TBCD: variants seen among roughly 807,000 people sequenced by gnomAD.
TBCD encodes tubulin folding cofactor D.
Under a neutral mutation model 169.3 loss-of-function variants are expected in TBCD, and 105 were observed. The ratio of observed to expected loss-of-function variants is 0.62; its 90% confidence interval spans 0.53 to 0.73. The LOEUF (loss-of-function observed/expected upper bound fraction) is 0.73, where lower values mean the gene tolerates loss of function less well. TBCD is among the 30% of genes least tolerant of loss of function. The pLI is 0.00. For synonymous variants in TBCD, 700 were observed against 643.9 expected (o/e 1.09, Z -1.32); for missense variants, 1,444 against 1,600.1 (o/e 0.90, Z 1.66).
chr17:82,778,153 T>G (rs2048717468), intron 6 of TBCD, among the ~76,000 whole-genome samples: 1 of 152,246 alleles, frequency 6.6e-6, no homozygotes, highest in Non-Finnish European at 1.5e-5. Context: ...CAACTAATGA[T>G]TAATGATATA....
chr17:82,781,798 T>G, intron 7 of TBCD, 77 bp downstream of exon 7: 7 of 1,568,848 alleles, frequency 4.5e-6, no homozygotes, highest in Non-Finnish European at 6.1e-6. Context: ...TGATGTTACC[T>G]GTGATTCCAT....
At chr17:82,812,660 G>T (rs914881290) in intron 12 of TBCD, among the ~76,000 whole-genome samples, 11 of 152,106 alleles carry the variant, frequency 7.2e-5, no homozygotes, top group Non-Finnish European at 1.6e-4. Context: ...TTCCCCTGCC[G>T]CAGCCCCCAA....
At chr17:82,862,850 C>T (rs937056762) in intron 13 of TBCD, among the ~76,000 whole-genome samples, 11 of 152,194 alleles carry the variant, frequency 7.2e-5, no homozygotes, top group African/African-American at 9.7e-5. Context: ...GGCCTCATTC[C>T]GTTAAGTAGG....
intron 30 of TBCD, among the ~76,000 whole-genome samples, chr17:82,928,286 G>A (rs184055260): frequency 6.6e-6 from 1 of 152,312 alleles, no homozygotes; most frequent in East Asian, 1.9e-4. Context: ...CCAGCTTCCC[G>A]GGGTAGGGCC....
At chr17:82,755,458 AT>A (rs1263026389) in intron 1 of TBCD, among the ~76,000 whole-genome samples, 1 of 152,190 alleles carries the variant, frequency 6.6e-6, no homozygotes, top group East Asian at 1.9e-4. Flanking sequence ...TTAGGGAAAA[AT>A]ATTTTGATTT....
At chr17:82,892,749 G>A (rs2059228375) in intron 16 of TBCD, among the ~76,000 whole-genome samples, 1 of 152,196 alleles carries the variant, frequency 6.6e-6, no homozygotes, top group South Asian at 2.1e-4. Context: ...GTTTATAGCT[G>A]TAAGGCTTTC....
At chr17:82,940,845 G>A (rs1325164749) in intron 37 of TBCD, among the ~76,000 whole-genome samples, 1 of 152,154 alleles carries the variant, frequency 6.6e-6, no homozygotes, top group Non-Finnish European at 1.5e-5. Flanking sequence ...CGAGCGGGGC[G>A]AGGCCTCCTC....
At chr17:82,937,155 G>A in intron 34 of TBCD, 116 bp from the exon 35 acceptor site, 1 of 876,130 alleles carries the variant, frequency 1.1e-6, no homozygotes, top group Admixed American at 2.2e-5. Flanking sequence ...CAGGGCTGCA[G>A]GCTTCTTGGA....
rs1282230951 is a variant in TBCD, at chr17:82,890,042, G to A, written c.1563+345G>A. On this transcript the variant is annotated intron_variant, in intron 16 of 38. Coordinates refer to ENST00000355528, the MANE Select transcript of TBCD (RefSeq NM_005993.5). This position sits in a 1 kb window ranked among gnomAD's most constrained non-coding sequence, Gnocchi z 5.3. ...CCGCCTCATCCCACACAGAGCAGGA[G>A]CTGGCTCTGTTGACGTCAGCTTGTG... 6.6e-6 allele frequency among the ~76,000 whole-genome samples: 1 copy of A among 152,230 alleles called. No homozygotes were observed. Among genetic ancestry groups the A allele is most frequent in the Non-Finnish European group, 1.5e-5 (1 of 68,046 alleles).
At chr17:82,926,617 C>T in intron 28 of TBCD, 126 bp downstream of exon 28, 1 of 768,224 alleles carries the variant, frequency 1.3e-6, no homozygotes, top group Non-Finnish European at 2.1e-6. Flanking sequence ...TCCTCTCTTC[C>T]AGAGGATCGT....
At position 82,832,217 on chromosome 17, in the gene TBCD, C is replaced by T. The variant is rs768182186; in HGVS notation, c.1318+17283C>T. ...GAAGAGGCTGGCTTCGCCGTGGCAT[C>T]GGGCTGGTTGGTTTGCTTGGGGTCT... is the stretch of plus-strand genomic sequence containing the variant. On this transcript the variant is annotated intron_variant, in intron 13 of 38. Transcript: ENST00000355528. The surrounding 1 kb of genome is among the most constrained non-coding windows in gnomAD (Gnocchi z 4.9). The T allele has an allele frequency of 8.7e-6, 14 of 1,614,108 alleles. No homozygotes were observed. The highest frequency in any genetic ancestry group is 1.6e-4 in the Middle Eastern group (1 of 6,084).
In TBCD at chr17:82,827,901, A is replaced by T. The variant is rs536041692; in HGVS notation, c.1318+12967A>T. On this transcript the variant is annotated intron_variant, in intron 13 of 38. Coordinates refer to ENST00000355528, the MANE Select transcript of TBCD (RefSeq NM_005993.5). ...CACACGTGCACACCCACACAATCTA[A>T]TGCACACACACCCCCATAGATATGA... 5.3e-3 allele frequency among the ~76,000 whole-genome samples: 691 copies of T among 130,632 alleles called. 4 individuals carry two copies. Among genetic ancestry groups the T allele is most frequent in the African/African-American group, 0.02 (661 of 33,880 alleles). The allele number at this position is 130,632 out of a possible 152,430, so 85.7% of individuals were successfully genotyped here.
rs1186537174 is a variant in TBCD, at chr17:82,893,623, T to C, written c.1640T>C (p.Leu547Pro). 2 of 1,606,810 alleles carry C rather than the reference T, an allele frequency of 1.2e-6. No homozygotes were observed. Among genetic ancestry groups the C allele is most frequent in the Non-Finnish European group, 1.7e-6 (2 of 1,175,972 alleles). The change falls in exon 17 of 39, where the codon CTG (leucine) becomes CCG (proline). Residue 547 changes from leucine to proline, a missense_variant. Transcript: ENST00000355528. The part of the protein sequence containing the change: ...FAVGNRSNCF[L>P]VISVFIAGFP... ...GTCGGTAACAGATCCAACTGTTTCC[T>C]GGTTATAAGGTAAGTCTTTAATGTA...
At chr17:82,842,161 C>T (rs560284202) in intron 13 of TBCD, among the ~76,000 whole-genome samples, 16 of 152,218 alleles carry the variant, frequency 1.1e-4, no homozygotes, top group Non-Finnish European at 2.4e-4. Context: ...GAAGCCCCAC[C>T]TTGGCCTTTC....
At chr17:82,868,945 C>T (rs1393939948) in intron 13 of TBCD, among the ~76,000 whole-genome samples, 1 of 150,558 alleles carries the variant, frequency 6.6e-6, no homozygotes, top group Non-Finnish European at 1.5e-5. Flanking sequence ...CTGGCGTGTG[C>T]GTGGAGCGGG....
At chr17:82,907,378 T>A (rs1225640831) in intron 20 of TBCD, among the ~76,000 whole-genome samples, 1 of 152,212 alleles carries the variant, frequency 6.6e-6, no homozygotes, top group Admixed American at 6.5e-5. Context: ...GACCAGGCAC[T>A]GCTTCATCTA....
At chr17:82,804,829 C>A (rs1176263173) in intron 9 of TBCD, among the ~76,000 whole-genome samples, 17 of 152,210 alleles carry the variant, frequency 1.1e-4, no homozygotes, top group Admixed American at 1.1e-3. Flanking sequence ...CGTGGGCTGT[C>A]TTGGAAACTG....
Position 82,930,123 on chromosome 17 carries a change from C to T in TBCD, c.2992-399C>T, listed in dbSNP as rs2062073436. On this transcript the variant is annotated intron_variant, in intron 32 of 38. Transcript: ENST00000355528. This position sits in a 1 kb window ranked among gnomAD's most constrained non-coding sequence, Gnocchi z 5.2. ...CCAGGACGTGAGGTGCCCTCTGCGC[C>T]GTGCGGGCGCGTGCGGGGAGACCCG... 7.5e-6 allele frequency: 2 copies of T among 267,024 alleles called. No homozygotes were observed. The highest frequency in any genetic ancestry group is 5.1e-5 in the Admixed American group (1 of 19,720). 16.5% of individuals were successfully genotyped at this position (267,024 alleles called of 1,614,324 possible).
intron 23 of TBCD, among the ~76,000 whole-genome samples, chr17:82,914,739 C>G (rs2060906788): frequency 6.6e-6 from 1 of 152,130 alleles, no homozygotes; most frequent in Non-Finnish European, 1.5e-5. Flanking sequence ...CCAGGAGACT[C>G]TGGCCTGCAG....
Sources: gnomAD v4.1 joint callset for allele counts (sites outside exome capture counted in the v4.1 genomes callset) on GRCh38, gnomAD v4.1.1 for gene constraint, Gnocchi (gnomAD v3.1) non-coding constraint, MANE v1.5 for transcripts, NCBI Gene and HGNC (gene_info 2026-07-23, HGNC 2026-07-21) for gene names.